The following ARHGAP6 variants were observed in gnomAD, a reference collection of about 807,000 sequenced individuals.
The protein encoded by ARHGAP6 is Rho GTPase activating protein 6.
In ARHGAP6, 16 loss-of-function variants were observed where a neutral mutation model predicts 55.7. The observed-to-expected ratio is 0.29, with a 90% CI of 0.19 to 0.44. ARHGAP6 has a LOEUF of 0.44. Ranked by LOEUF, ARHGAP6 falls within the 20% of genes least tolerant of loss-of-function variation. The probability of loss-of-function intolerance (pLI) is 1.00; values close to 1 mark genes in which losing one functional copy is unlikely to be tolerated. For missense variants in ARHGAP6, 698 were observed against 808.9 expected (o/e 0.86, Z 1.66); for synonymous variants, 382 against 360.9 (o/e 1.06, Z -0.66).
chrX:11,453,348 T>C (rs1260595795), intron 1 of ARHGAP6, among the ~76,000 whole-genome samples: 1 of 103,307 alleles, frequency 9.7e-6, no homozygotes, highest in East Asian at 2.9e-4. Context: ...CTTAGGAATG[T>C]TCCTAAATAC....
chrX:11,342,781 A>G (rs772432836), intron 1 of ARHGAP6, among the ~76,000 whole-genome samples: 52 of 112,616 alleles, frequency 4.6e-4, no homozygotes, highest in Non-Finnish European at 8.4e-4. Flanking sequence ...AAATAGTTTT[A>G]TTACCTCATG....
At chrX:11,382,965 A>C (rs888564285) in intron 1 of ARHGAP6, among the ~76,000 whole-genome samples, 1 of 112,162 alleles carries the variant, frequency 8.9e-6, no homozygotes, top group Non-Finnish European at 1.9e-5. Context: ...TCACATTTTT[A>C]GTGATGATAA....
chrX:11,283,560 T>C (rs2047885709), intron 1 of ARHGAP6, among the ~76,000 whole-genome samples: 1 of 112,552 alleles, frequency 8.9e-6, no homozygotes, highest in African/African-American at 3.2e-5. Flanking sequence ...GGAGTTAAAG[T>C]TGCAGATGGG....
intron 1 of ARHGAP6, among the ~76,000 whole-genome samples, chrX:11,657,112 G>A (rs1161204958): frequency 9.0e-6 from 1 of 111,459 alleles, no homozygotes; most frequent in Non-Finnish European, 1.9e-5. Context: ...CTGAGATGAT[G>A]TTGTAAAAGG....
At chrX:11,276,823 G>A (rs764339762) in intron 1 of ARHGAP6, among the ~76,000 whole-genome samples, 6 of 112,334 alleles carry the variant, frequency 5.3e-5, no homozygotes, top group Non-Finnish European at 1.1e-4. Flanking sequence ...GAGCAATGAA[G>A]CATATTGAAA....
intron 1 of ARHGAP6, among the ~76,000 whole-genome samples, chrX:11,366,461 A>C (rs770091839): frequency 1.8e-5 from 2 of 112,438 alleles, no homozygotes; most frequent in Non-Finnish European, 3.8e-5. Flanking sequence ...AATTGTATCT[A>C]TCAAGAAATT....
At chrX:11,627,149 A>G (rs1238150624) in intron 1 of ARHGAP6, among the ~76,000 whole-genome samples, 1 of 112,115 alleles carries the variant, frequency 8.9e-6, no homozygotes, top group African/African-American at 3.2e-5. Flanking sequence ...AATATTGCTA[A>G]TAACATATAA....
At position 11,169,519 on chromosome X, in the gene ARHGAP6, C is replaced by T; in HGVS notation, c.1795G>A (p.Glu599Lys). Residue 599 changes from glutamate to lysine, a missense_variant, in exon 9 of 13, where the codon GAA becomes AAA. By Grantham distance (56) the Glu-to-Lys change is moderately conservative (BLOSUM62 1). Around this residue, in one of 3 missense-constraint regions of ARHGAP6, gnomAD observed 322 missense variants for 451.1 expected, o/e 0.71. Coordinates refer to ENST00000337414, the MANE Select transcript of ARHGAP6 (RefSeq NM_013427.3). Reference protein sequence around the residue: ...AVVQKMIENYEALFMVPPDLQ... With the variant: ...AVVQKMIENYKALFMVPPDLQ... ...GGGCCACCTACCATGAACAGGGCTT[C>T]ATAATTTTCAATCATCTTTTGCACA... is the stretch of plus-strand genomic sequence containing the variant. 1 of 1,198,697 alleles carries T rather than the reference C, an allele frequency of 8.3e-7. No individual in the cohort carries two copies.
chrX:11,378,201 T>C (rs867078992), intron 1 of ARHGAP6, among the ~76,000 whole-genome samples: 1 of 112,701 alleles, frequency 8.9e-6, no homozygotes, highest in Non-Finnish European at 1.9e-5. Context: ...GGGATTTTCA[T>C]TGTTTCTTTG....
chrX:11,448,471 C>T (rs1032555479), intron 1 of ARHGAP6, among the ~76,000 whole-genome samples: 9 of 111,853 alleles, frequency 8.0e-5, no homozygotes, highest in African/African-American at 2.3e-4. Flanking sequence ...GCCATCAGTC[C>T]ATTGCATTCC....
intron 1 of ARHGAP6, among the ~76,000 whole-genome samples, chrX:11,261,554 T>G (rs1482141255): frequency 2.7e-5 from 3 of 111,797 alleles, no homozygotes; most frequent in Non-Finnish European, 3.8e-5. Flanking sequence ...ATCATGGAAT[T>G]TTTTTAAGGA....
At chrX:11,356,059 A>G (rs1341176339) in intron 1 of ARHGAP6, among the ~76,000 whole-genome samples, 1 of 111,556 alleles carries the variant, frequency 9.0e-6, no homozygotes, top group African/African-American at 3.3e-5. Flanking sequence ...TCTTTTTCAC[A>G]GTCCTCATGA....
chrX:11,250,435 A>G (rs982930648), intron 2 of ARHGAP6, among the ~76,000 whole-genome samples: 3 of 111,726 alleles, frequency 2.7e-5, no homozygotes, highest in African/African-American at 9.8e-5. Flanking sequence ...CAAGAGACTT[A>G]GTGTCTTAAA....
At position 11,295,045 on chromosome X, in the gene ARHGAP6, C is replaced by T. The variant is rs142795990; in HGVS notation, c.589-40338G>A. ...CGCTACCAAAAATTCTGATTTGGTA[C>T]AGCTGGGGCGGGGCCCAGGACTCTG... On this transcript the variant is annotated intron_variant, in intron 1 of 12. Coordinates refer to ENST00000337414, the MANE Select transcript of ARHGAP6 (RefSeq NM_013427.3). Among the ~76,000 whole-genome samples the T allele has an allele frequency of 8.6e-3, 969 of 112,085 alleles. 17 individuals carry two copies. Among genetic ancestry groups the T allele is most frequent in the African/African-American group, 0.03 (911 of 30,796 alleles).
intron 1 of ARHGAP6, among the ~76,000 whole-genome samples, chrX:11,598,558 G>A (rs1037641574): frequency 9.0e-6 from 1 of 111,092 alleles, no homozygotes; most frequent in Non-Finnish European, 1.9e-5. Context: ...ATGTCCATAT[G>A]TGCTCAATAT....
chrX:11,613,026 T>A (rs995348380), intron 1 of ARHGAP6, among the ~76,000 whole-genome samples: 1 of 112,875 alleles, frequency 8.9e-6, no homozygotes, highest in African/African-American at 3.2e-5. Flanking sequence ...GAAAAATCAG[T>A]GATCACTGCC....
intron 1 of ARHGAP6, among the ~76,000 whole-genome samples, chrX:11,308,367 A>T (rs1230065135): frequency 9.0e-6 from 1 of 111,617 alleles, no homozygotes; most frequent in African/African-American, 3.3e-5. Flanking sequence ...TGGAATCATT[A>T]AAAAAAATAA....
At chrX:11,349,332 G>GT (rs1017052653) in intron 1 of ARHGAP6, among the ~76,000 whole-genome samples, 1 of 110,791 alleles carries the variant, frequency 9.0e-6, no homozygotes, top group Non-Finnish European at 1.9e-5. Flanking sequence ...AAATTTCTTT[G>GT]TTTTTTGTTT....
rs754011847 is a variant in ARHGAP6 at position 11,393,971 on chromosome X, T to G, written c.589-139264A>C. ...AATTGAACTCAAATATTAAGTTCAC[T>G]TACACCCTCATAAATAGCTTAAAGT... On this transcript the variant is annotated intron_variant, in intron 1 of 12. Coordinates refer to ENST00000337414, the MANE Select transcript of ARHGAP6 (RefSeq NM_013427.3). Among the ~76,000 whole-genome samples, 3 of 111,780 alleles carry G rather than the reference T, an allele frequency of 2.7e-5. No homozygotes were observed. In the East Asian group the frequency reaches 8.4e-4, roughly 31 times the overall value.
Sources: gnomAD v4.1 joint callset for allele counts (sites outside exome capture counted in the v4.1 genomes callset) on GRCh38, gnomAD v4.1.1 for gene constraint, gnomAD v4.1.1 regional missense constraint, MANE v1.5 for transcripts, NCBI Gene and HGNC (gene_info 2026-07-23, HGNC 2026-07-21) for gene names.